Variants in CFLAR observed in about 807,000 individuals in gnomAD.
CFLAR encodes CASP8 and FADD-like apoptosis regulator.
A neutral mutation model predicts 51.1 loss-of-function variants in CFLAR; 14 were observed. That is an observed-to-expected ratio of 0.27 (90% CI 0.18 to 0.43). The LOEUF is 0.43. Among genes scored for constraint, CFLAR ranks in the 20% least tolerant of loss-of-function variants. The pLI, the probability that CFLAR is intolerant of heterozygous loss-of-function variation, is 1.00. For synonymous variants in CFLAR, 210 were observed against 211.6 expected (o/e 0.99, Z 0.06); for missense variants, 390 against 566.5 (o/e 0.69, Z 3.16).
chr2:201,141,717 C>A, intron 5 of CFLAR: 1 of 956,170 alleles, frequency 1.0e-6, no homozygotes, highest in Non-Finnish European at 1.3e-6. Context: ...ATCATATAGT[C>A]ACTTATGGTT....
chr2:201,116,632 T>C lies in CFLAR; in HGVS notation c.-138+151T>C, dbSNP rs1424917393. ...CGCGCCGCTCCTCACAGCCCTGCGC[T>C]CCGGGAAACTGCAGGTGGCCGGCAG... On this transcript the variant is annotated intron_variant, in intron 1 of 9. Transcript: ENST00000309955. The surrounding 1 kb of genome is among the most constrained non-coding windows in gnomAD (Gnocchi z 4.8). 6.6e-6 allele frequency among the ~76,000 whole-genome samples: 1 copy of C among 152,150 alleles called. No homozygotes were observed. Among genetic ancestry groups the C allele is most frequent in the Non-Finnish European group, 1.5e-5 (1 of 68,016 alleles).
Position 201,130,114 on chromosome 2 carries a change from G to A in CFLAR, c.249G>A (p.Leu83=). ...KMDRKAVETH[L]LRNPHLVSDY... ...ACAGAAAAGCTGTGGAGACCCACCT[G>A]CTCAGGAACCCTCACCTTGTTTCGG... Residue 83 remains leucine, a synonymous_variant, in exon 2 of 10, where the codon CTG becomes CTA. Transcript: ENST00000309955. 2 of 1,411,790 alleles carry A rather than the reference G, an allele frequency of 1.4e-6. 1 individual carries two copies. The highest frequency in any genetic ancestry group is 2.3e-5 in the South Asian group (2 of 88,114). The allele number at this position is 1,411,790 out of a possible 1,614,324, so 87.5% of individuals were successfully genotyped here.
Position 201,164,121 on chromosome 2 carries a change from T to C in CFLAR, c.*148T>C. On this transcript the variant is annotated 3_prime_UTR_variant, in exon 10 of 10. Transcript: ENST00000309955. ...CCCTAGTAAAAATACAAAAATTAGC[T>C]GGGTGTGGGTGTGGGTACCTGTATT... 1.9e-6 allele frequency: 1 copy of C among 537,986 alleles called. No individual in the cohort carries two copies. 33.3% of individuals were successfully genotyped at this position (537,986 alleles called of 1,614,324 possible). A position where few individuals can be genotyped will look rare whatever the true frequency, so the allele number is the denominator to read the frequency against.
At chr2:201,148,755 C>G in intron 6 of CFLAR, 1 of 418,378 alleles carries the variant, frequency 2.4e-6, no homozygotes, top group East Asian at 4.2e-5. Flanking sequence ...TAGGGGAGAG[C>G]CTTCTTTCAC....
chr2:201,126,119 C>G (rs1038724413), intron 1 of CFLAR, among the ~76,000 whole-genome samples: 1 of 152,056 alleles, frequency 6.6e-6, no homozygotes, highest in African/African-American at 2.4e-5. Context: ...GGCCAAGAGA[C>G]AGCTAACGCT....
At chr2:201,121,100 G>A (rs1009149867) in intron 1 of CFLAR, among the ~76,000 whole-genome samples, 7 of 152,118 alleles carry the variant, frequency 4.6e-5, no homozygotes, top group African/African-American at 1.7e-4. Context: ...CTTGGCCATG[G>A]TATGCTATTG....
At chr2:201,130,265 C>A in intron 2 of CFLAR, 119 bp downstream of exon 2, 1 of 798,672 alleles carries the variant, frequency 1.3e-6, no homozygotes, top group Non-Finnish European at 1.8e-6. Context: ...TCTCTGCCCA[C>A]TTATCCAACT....
chr2:201,161,690 C>T (rs1477675629), intron 9 of CFLAR, among the ~76,000 whole-genome samples: 5 of 149,976 alleles, frequency 3.3e-5, no homozygotes, highest in Non-Finnish European at 7.4e-5. Flanking sequence ...GCTAGGATTA[C>T]AAGCGTGAGC....
In CFLAR at chr2:201,138,092, C is replaced by T; in HGVS notation, c.523+1985C>T. 2 of 744,624 alleles carry T rather than the reference C, an allele frequency of 2.7e-6. No homozygotes were observed. Among genetic ancestry groups the T allele is most frequent in the South Asian group, 2.8e-5 (2 of 71,248 alleles). The allele number at this position is 744,624 out of a possible 1,614,324, so 46.1% of individuals were successfully genotyped here. ...TGTAGATGGAGCCGCGCAGTCCATG[C>T]CCCTGCCCAGCCCATCCACACCAGC... On this transcript the variant is annotated intron_variant, in intron 4 of 9. Coordinates refer to ENST00000309955, the MANE Select transcript of CFLAR (RefSeq NM_003879.7). This position sits in a 1 kb window ranked among gnomAD's most constrained non-coding sequence, Gnocchi z 4.0.
Position 201,166,616 on chromosome 2 carries a change from G to C in CFLAR, c.*2643G>C, listed in dbSNP as rs1382522460. ...GGCACCCTGGGGGGCCAAGGCAGGC[G>C]GCTGGGAGGCGGAGGCCGTAGCCAG... On this transcript the variant is annotated 3_prime_UTR_variant, in exon 10 of 10. Transcript: ENST00000309955. 1 of 179,508 alleles carries C rather than the reference G, an allele frequency of 5.6e-6. No individual in the cohort carries two copies. The highest frequency in any genetic ancestry group is 1.2e-5 in the Non-Finnish European group (1 of 86,328). The allele number at this position is 179,508 out of a possible 1,614,324, so 11.1% of individuals were successfully genotyped here. A position where few individuals can be genotyped will look rare whatever the true frequency, so the allele number is the denominator to read the frequency against.
rs1340587019 is a variant in CFLAR at position 201,169,884 on chromosome 2, C to G, written c.*5911C>G. On this transcript the variant is annotated 3_prime_UTR_variant, in exon 10 of 10. Transcript: ENST00000309955. ...AACCTTACTGATCATTAGAGAAATG[C>G]AAAGGAGAACCACAATGAGATACCA... The G allele has an allele frequency of 1.3e-5, 2 of 152,124 alleles. No homozygotes were observed. The highest frequency in any genetic ancestry group is 2.9e-5 in the Non-Finnish European group (2 of 68,022). The allele number at this position is 152,124 out of a possible 1,614,324, so 9.4% of individuals were successfully genotyped here. A position where few individuals can be genotyped will look rare whatever the true frequency, so the allele number is the denominator to read the frequency against.
intron 4 of CFLAR, chr2:201,137,370 T>C (rs1338985171): frequency 5.4e-6 from 2 of 370,146 alleles, no homozygotes; most frequent in African/African-American, 2.1e-5. Context: ...TGCAGACCCC[T>C]CAGAGCCTCC....
chr2:201,120,819 T>C (rs2048126901), intron 1 of CFLAR, among the ~76,000 whole-genome samples: 1 of 152,224 alleles, frequency 6.6e-6, no homozygotes, highest in Admixed American at 6.5e-5. Flanking sequence ...ACTTGCAGCT[T>C]TCAAAAGTAG....
chr2:201,141,439 A>G (rs1247810451), intron 5 of CFLAR: 2 of 1,553,256 alleles, frequency 1.3e-6, no homozygotes, highest in Non-Finnish European at 1.7e-6. Context: ...TGTGATTAAC[A>G]TGGAACTGCC....
At chr2:201,137,629 C>T (rs1475548162) in intron 4 of CFLAR, 2 of 757,408 alleles carry the variant, frequency 2.6e-6, no homozygotes, top group African/African-American at 1.7e-5. Context: ...GACCGAAGGA[C>T]AGACAGGCTG....
At position 201,175,180 on chromosome 2, in the gene CFLAR, A is replaced by G. The variant is rs2125995398; in HGVS notation, c.*11207A>G. On this transcript the variant is annotated 3_prime_UTR_variant, in exon 10 of 10. Transcript: ENST00000309955. ...GCAGCCCATCAGGGCTACTCTTCCT[A>G]TGGGGTAGCCATTCTTTTATTCCTT... The G allele has an allele frequency of 6.6e-6, 1 of 152,286 alleles. No individual in the cohort carries two copies. The highest frequency in any genetic ancestry group is 1.9e-4 in the East Asian group (1 of 5,188). 9.4% of individuals were successfully genotyped at this position (152,286 alleles called of 1,614,324 possible).
chr2:201,149,903 C>A (rs778707626), intron 8 of CFLAR, 68 bp downstream of exon 8: 17 of 1,191,984 alleles, frequency 1.4e-5, no homozygotes, highest in Non-Finnish European at 2.1e-5. Context: ...AAGCTGTATT[C>A]ATTGGAGTGA....
chr2:201,161,038 T>C (rs936518808), intron 9 of CFLAR, 96 bp downstream of exon 9: 2 of 842,856 alleles, frequency 2.4e-6, no homozygotes, highest in Non-Finnish European at 3.8e-6. Context: ...TGCCCATCTC[T>C]TCCGGGAGGA....
chr2:201,160,720 T>G lies in CFLAR; in HGVS notation c.1082T>G (p.Val361Gly). Residue 361 changes from valine to glycine, a missense_variant, in exon 9 of 10, where the codon GTG (valine) becomes GGG (glycine). By Grantham distance (109) the Val-to-Gly change is moderately radical. Transcript: ENST00000309955. ...AAGATGTTTTTTATTCAGAACTATG[T>G]GGTGTCAGAGGGCCAGCTGGAGGAC... The part of the protein sequence containing the change: ...KPKMFFIQNY[V>G]VSEGQLEDSS... 6.2e-7 allele frequency: 1 copy of G among 1,613,940 alleles called. No individual in the cohort carries two copies. Among genetic ancestry groups the G allele is most frequent in the Non-Finnish European group, 8.5e-7 (1 of 1,179,976 alleles).
Sources: gnomAD v4.1 joint callset for allele counts (sites outside exome capture counted in the v4.1 genomes callset) on GRCh38, gnomAD v4.1.1 for gene constraint, Gnocchi (gnomAD v3.1) non-coding constraint, MANE v1.5 for transcripts, NCBI Gene and HGNC (gene_info 2026-07-23, HGNC 2026-07-21) for gene names.